PCDHGA3: variants seen among roughly 807,000 people sequenced by gnomAD.
The protein encoded by PCDHGA3 is protocadherin gamma-A3.
In PCDHGA3, 40 loss-of-function variants were observed where a neutral mutation model predicts 58.5. That is an observed-to-expected ratio of 0.68 (90% CI 0.53 to 0.89). The LOEUF is 0.89. PCDHGA3 is among the 40% of genes least tolerant of loss of function. PCDHGA3 has a pLI of 0.00. For missense variants in PCDHGA3, 1,223 were observed against 1,195.9 expected (o/e 1.02, Z -0.33); for synonymous variants, 530 against 525.7 (o/e 1.01, Z -0.11).
At chr5:141,392,930 G>A (rs568235859) in intron 1 of PCDHGA3, 2 of 1,613,790 alleles carry the variant, frequency 1.2e-6, no homozygotes, top group Non-Finnish European at 1.7e-6. Flanking sequence ...CAGAAGAGAC[G>A]GACAAAGGCT....
At chr5:141,404,707 C>G in intron 1 of PCDHGA3, 1 of 1,614,122 alleles carries the variant, frequency 6.2e-7, no homozygotes, top group Non-Finnish European at 8.5e-7. Context: ...CAGAGCCTGG[C>G]TACCTGGTGA....
intron 1 of PCDHGA3, chr5:141,374,349 G>A: frequency 1.2e-6 from 2 of 1,614,042 alleles, no homozygotes; most frequent in Non-Finnish European, 1.7e-6. Context: ...ACCGCGGGTA[G>A]GATAGACCGC....
Position 141,491,793 on chromosome 5 carries a change from C to T in PCDHGA3, c.2425-3014C>T, listed in dbSNP as rs2099730341. 4.0e-6 allele frequency: 6 copies of T among 1,511,410 alleles called. No individual in the cohort carries two copies. Among genetic ancestry groups the T allele is most frequent in the East Asian group, 2.5e-5 (1 of 40,660 alleles). The allele number at this position is 1,511,410 out of a possible 1,614,324, so 93.6% of individuals were successfully genotyped here. A position where few individuals can be genotyped will look rare whatever the true frequency, so the allele number is the denominator to read the frequency against. On this transcript the variant is annotated intron_variant, in intron 1 of 3. Transcript: ENST00000253812. This position sits in a 1 kb window ranked among gnomAD's most constrained non-coding sequence, Gnocchi z 6.9. ...AGGGATTGAACTTGCATCCACTCCT[C>T]TCCGGCCGGCTTGGTCGCTGGCTGC...
intron 1 of PCDHGA3, chr5:141,413,424 G>T: frequency 6.2e-7 from 1 of 1,614,086 alleles, no homozygotes; most frequent in Non-Finnish European, 8.5e-7. Flanking sequence ...CTCTGAACCC[G>T]CGCAGCGGCA....
intron 1 of PCDHGA3, chr5:141,409,044 T>G (rs2095215005): frequency 6.2e-7 from 1 of 1,613,762 alleles, no homozygotes; most frequent in African/African-American, 1.3e-5. Context: ...AACTACTACT[T>G]CCGAAGCACT....
chr5:141,390,060 C>G, intron 1 of PCDHGA3: 3 of 1,614,082 alleles, frequency 1.9e-6, no homozygotes, highest in Non-Finnish European at 2.5e-6. Flanking sequence ...GAGCTGCTTC[C>G]AGCCTGGTCT....
chr5:141,459,259 G>T (rs996530664), intron 1 of PCDHGA3, among the ~76,000 whole-genome samples: 1 of 152,140 alleles, frequency 6.6e-6, no homozygotes, highest in Non-Finnish European at 1.5e-5. Context: ...ATAAATTAGT[G>T]TTGCCTCTTT....
At chr5:141,393,917 C>A in intron 1 of PCDHGA3, 1 of 1,613,924 alleles carries the variant, frequency 6.2e-7, no homozygotes, top group Non-Finnish European at 8.5e-7. Flanking sequence ...TAATTGCCTT[C>A]TTGAGTGTGC....
At chr5:141,478,644 T>G in intron 1 of PCDHGA3, 1 of 1,552,238 alleles carries the variant, frequency 6.4e-7, no homozygotes, top group South Asian at 1.2e-5. Context: ...GATGAAGATG[T>G]TTTCCTGGTG....
intron 1 of PCDHGA3, chr5:141,413,526 G>A: frequency 6.2e-7 from 1 of 1,613,936 alleles, no homozygotes; most frequent in Non-Finnish European, 8.5e-7. Context: ...TGGAAGACAG[G>A]GTGAAACTTT....
chr5:141,357,567 G>A (rs751974557), intron 1 of PCDHGA3: 5 of 1,614,096 alleles, frequency 3.1e-6, no homozygotes, highest in African/African-American at 2.7e-5. Flanking sequence ...AGAAAAGCGA[G>A]CCTCTTCTGA....
intron 1 of PCDHGA3, among the ~76,000 whole-genome samples, chr5:141,447,450 C>G (rs540357899): frequency 1.3e-5 from 2 of 152,082 alleles, no homozygotes; most frequent in African/African-American, 2.4e-5. Context: ...AATTTTTAAC[C>G]TCAGTTTTTC....
intron 1 of PCDHGA3, chr5:141,428,334 C>T: frequency 1.6e-6 from 1 of 618,848 alleles, no homozygotes; most frequent in Non-Finnish European, 2.9e-6. Flanking sequence ...TTTCTATGCT[C>T]TTCTTCCTCG....
rs746949700 is a variant in PCDHGA3, at chr5:141,361,054, T to G, written c.2424+14597T>G. On this transcript the variant is annotated intron_variant, in intron 1 of 3. Transcript: ENST00000253812. Reference sequence around the variant, plus strand: ...AGGAGAAATCACGACAAAGGATGATTTGGATTTTGAGATTGCAAGTAGTTA... The same window carrying G: ...AGGAGAAATCACGACAAAGGATGATGTGGATTTTGAGATTGCAAGTAGTTA... The G allele has an allele frequency of 3.7e-6, 6 of 1,613,700 alleles. No individual in the cohort carries two copies. In the African/African-American group the frequency reaches 6.7e-5, roughly 18 times the overall value.
At chr5:141,360,877 A>T (rs1025291723) in intron 1 of PCDHGA3, 1 of 1,613,942 alleles carries the variant, frequency 6.2e-7, no homozygotes, top group Non-Finnish European at 8.5e-7. Context: ...GGACGTGTAC[A>T]GGGTCACCCT....
At position 141,343,918 on chromosome 5, in the gene PCDHGA3, G is replaced by C. The variant is rs1243839283; in HGVS notation, c.-116G>C. 5.3e-6 allele frequency: 5 copies of C among 951,068 alleles called. No individual in the cohort carries two copies. The highest frequency in any genetic ancestry group is 7.7e-6 in the Non-Finnish European group (5 of 650,492). 58.9% of individuals were successfully genotyped at this position (951,068 alleles called of 1,614,324 possible). A position where few individuals can be genotyped will look rare whatever the true frequency, so the allele number is the denominator to read the frequency against. ...GCCAACCTCACCTCTTAGTCAACCA[G>C]CTGTTTGACCTGTGAATTAGGCCCG... On this transcript the variant is annotated 5_prime_UTR_variant, in exon 1 of 4. Transcript: ENST00000253812.
At chr5:141,464,480 A>T (rs1013894368) in intron 1 of PCDHGA3, among the ~76,000 whole-genome samples, 4 of 151,864 alleles carry the variant, frequency 2.6e-5, no homozygotes, top group African/African-American at 7.3e-5. Flanking sequence ...CGTATAATAA[A>T]TTCCTAATAG....
At chr5:141,360,388 C>G in intron 1 of PCDHGA3, 1 of 1,613,908 alleles carries the variant, frequency 6.2e-7, no homozygotes, top group Non-Finnish European at 8.5e-7. Flanking sequence ...CGGAGACTTA[C>G]TTGTGAGTGA....
At chr5:141,497,142 C>T (rs1316569011) in intron 2 of PCDHGA3, among the ~76,000 whole-genome samples, 2 of 149,678 alleles carry the variant, frequency 1.3e-5, no homozygotes, top group South Asian at 2.1e-4. Context: ...GCTGAGATCA[C>T]GAAAAAAAAA....
Sources: allele counts gnomAD v4.1 joint callset (sites outside exome capture counted in the v4.1 genomes callset), GRCh38; gene constraint gnomAD v4.1.1; non-coding constraint Gnocchi (gnomAD v3.1); transcripts MANE v1.5; gene names NCBI Gene and HGNC (gene_info 2026-07-23, HGNC 2026-07-21).